CA8: variants seen among roughly 807,000 people sequenced by gnomAD.
CA8 encodes the protein carbonic anhydrase 8 (inactive), also known as carbonic anhydrase-related protein.
A neutral mutation model predicts 41.4 loss-of-function variants in CA8; 22 were observed. The ratio of observed to expected loss-of-function variants is 0.53; its 90% confidence interval spans 0.38 to 0.76. CA8 has a LOEUF of 0.76. Ranked by LOEUF, CA8 falls within the 30% of genes least tolerant of loss-of-function variation. CA8 has a pLI of 0.00. For missense variants in CA8, 270 were observed against 352.8 expected (o/e 0.77, Z 1.88); for synonymous variants, 121 against 130.6 (o/e 0.93, Z 0.50).
At chr8:60,267,837 A>G (rs1236299371) in intron 2 of CA8, among the ~76,000 whole-genome samples, 5 of 152,364 alleles carry the variant, frequency 3.3e-5, no homozygotes, top group Non-Finnish European at 7.3e-5. Flanking sequence ...AACTTTTAAT[A>G]TATGGATCAG....
chr8:60,243,777 C>A (rs948103545), intron 3 of CA8, among the ~76,000 whole-genome samples: 2 of 152,188 alleles, frequency 1.3e-5, no homozygotes, highest in African/African-American at 4.8e-5. Flanking sequence ...GCCACACTCT[C>A]CTGGTCTCCT....
chr8:60,215,352 TGTGTATACA>T (rs1371458980), intron 7 of CA8, among the ~76,000 whole-genome samples: 1 of 114,256 alleles, frequency 8.8e-6, no homozygotes, highest in Admixed American at 9.8e-5. Context: ...CGTGTGTGTG[TGTGTATACA>T]CACACACACA....
chr8:60,203,084 G>A lies in CA8; in HGVS notation c.*35+5666C>T, dbSNP rs375075938. On this transcript the variant is annotated intron_variant, in intron 8 of 8. Transcript: ENST00000317995. ...AAACTCAGAAAGCAAAGAAGGATTA[G>A]TAAGGTCAGTTTACTTGGGAAAAAG... is the stretch of plus-strand genomic sequence containing the variant. Among the ~76,000 whole-genome samples the A allele has an allele frequency of 2.3e-4, 35 of 152,292 alleles. 1 individual carries two copies. The highest frequency in any genetic ancestry group is 7.7e-4 in the African/African-American group (32 of 41,578).
At chr8:60,197,891 TA>T (rs1004901219) in intron 8 of CA8, among the ~76,000 whole-genome samples, 3 of 152,148 alleles carry the variant, frequency 2.0e-5, no homozygotes, top group African/African-American at 4.8e-5. Context: ...AACAATTGGT[TA>T]AAAAAATGGC....
intron 3 of CA8, among the ~76,000 whole-genome samples, chr8:60,239,078 A>C (rs1263108353): frequency 6.6e-6 from 1 of 151,620 alleles, no homozygotes; most frequent in African/African-American, 2.4e-5. Context: ...CATTTTATCA[A>C]AAGGGAGATA....
intron 5 of CA8, among the ~76,000 whole-genome samples, chr8:60,224,804 T>C (rs950737938): frequency 6.6e-6 from 1 of 152,198 alleles, no homozygotes; most frequent in African/African-American, 2.4e-5. Context: ...CACAGTTCAA[T>C]TCTCCCTGTA....
At chr8:60,202,207 C>A (rs1221770090) in intron 8 of CA8, among the ~76,000 whole-genome samples, 1 of 146,488 alleles carries the variant, frequency 6.8e-6, no homozygotes. Context: ...CCATTCCCAG[C>A]TAATTTTTTT....
intron 8 of CA8, among the ~76,000 whole-genome samples, chr8:60,195,308 T>C (rs1323906766): frequency 3.3e-5 from 5 of 152,204 alleles, no homozygotes; most frequent in Non-Finnish European, 7.3e-5. Flanking sequence ...TTATCTTTTA[T>C]GAAGAGGCCC....
chr8:60,257,655 C>T (rs1808687359), intron 3 of CA8, among the ~76,000 whole-genome samples: 1 of 152,140 alleles, frequency 6.6e-6, no homozygotes, highest in Non-Finnish European at 1.5e-5. Context: ...TAACTCTTCC[C>T]CATCAAGAAA....
At chr8:60,198,951 A>G (rs1806350249) in intron 8 of CA8, among the ~76,000 whole-genome samples, 1 of 152,094 alleles carries the variant, frequency 6.6e-6, no homozygotes, top group South Asian at 2.1e-4. Flanking sequence ...AAAAGATGCC[A>G]TTAGAGAAAC....
chr8:60,246,906 T>C (rs1445407912), intron 3 of CA8, among the ~76,000 whole-genome samples: 2 of 121,736 alleles, frequency 1.6e-5, no homozygotes, highest in Non-Finnish European at 3.2e-5. Flanking sequence ...TTTTTTGAGA[T>C]GGAGTCTTGC....
intron 2 of CA8, among the ~76,000 whole-genome samples, chr8:60,272,947 T>C (rs1001905927): frequency 7.2e-5 from 11 of 152,360 alleles, no homozygotes; most frequent in African/African-American, 1.9e-4. Flanking sequence ...GCCTGCTCTC[T>C]GCAGCTTGCC....
chr8:60,279,994 C>T (rs1246650849), intron 1 of CA8, 114 bp from the exon 2 acceptor site: 16 of 768,448 alleles, frequency 2.1e-5, no homozygotes, highest in Non-Finnish European at 3.2e-5. Flanking sequence ...AGTAATGATA[C>T]CATCACTATA....
intron 8 of CA8, among the ~76,000 whole-genome samples, chr8:60,198,281 A>G (rs1020124859): frequency 6.6e-6 from 1 of 152,188 alleles, no homozygotes; most frequent in Non-Finnish European, 1.5e-5. Context: ...TAGGATTGTT[A>G]CGAGGACTAA....
intron 7 of CA8, among the ~76,000 whole-genome samples, chr8:60,221,999 A>T (rs1807268486): frequency 6.6e-6 from 1 of 152,216 alleles, no homozygotes; most frequent in Non-Finnish European, 1.5e-5. Context: ...CAGATCCCTG[A>T]AAGACAGGAG....
intron 7 of CA8, among the ~76,000 whole-genome samples, chr8:60,213,734 ATTAATTTC>A (rs1487142013): frequency 6.6e-5 from 10 of 151,994 alleles, no homozygotes; most frequent in African/African-American, 2.2e-4. Context: ...CACTATTTGA[ATTAATTTC>A]TTAATTTCAC....
At chr8:60,276,029 C>A (rs1452415533) in intron 2 of CA8, among the ~76,000 whole-genome samples, 1 of 152,180 alleles carries the variant, frequency 6.6e-6, no homozygotes, top group Admixed American at 6.5e-5. Flanking sequence ...AAGACACTTA[C>A]AGACACATAG....
rs899925398 is a variant in CA8 at position 60,232,538 on chromosome 8, A to C, written c.418-159T>G. ...TACTGGCTTAATACGAGTTCTCTGT[A>C]TGAATTCCTTCCTTCTTATTTCTGA... On this transcript the variant is annotated intron_variant, in intron 3 of 8. Transcript: ENST00000317995. The C allele has an allele frequency of 1.7e-4, 118 of 694,290 alleles. 3 individuals carry two copies. The highest frequency in any genetic ancestry group is 9.3e-4 in the Middle Eastern group (3 of 3,226). 43.0% of individuals were successfully genotyped at this position (694,290 alleles called of 1,614,324 possible).
chr8:60,228,136 A>G (rs767596992), intron 4 of CA8, among the ~76,000 whole-genome samples: 5 of 152,220 alleles, frequency 3.3e-5, no homozygotes, highest in Non-Finnish European at 5.9e-5. Context: ...ATCCAAAGGG[A>G]GAGGAGAGAG....
Sources: gnomAD v4.1 joint callset for allele counts (sites outside exome capture counted in the v4.1 genomes callset) on GRCh38, gnomAD v4.1.1 for gene constraint, MANE v1.5 for transcripts, NCBI Gene and HGNC (gene_info 2026-07-23, HGNC 2026-07-21) for gene names.